Variants in APOL6 observed in about 807,000 individuals in gnomAD.
APOL6 encodes apolipoprotein L6.
In APOL6, 1 loss-of-function variant was observed where a neutral mutation model predicts 2.4. The observed-to-expected ratio is 0.41, with a 90% CI of 0.15 to 1.94. The LOEUF is 1.94. Ranked by LOEUF, APOL6 falls within the 30% of genes most tolerant of loss-of-function variation. The pLI, the probability that APOL6 is intolerant of heterozygous loss-of-function variation, is 0.30. For missense variants in APOL6, 438 were observed against 429.2 expected (o/e 1.02, Z -0.18); for synonymous variants, 189 against 169.3 (o/e 1.12, Z -0.90).
In APOL6 at chr22:35,659,201, C is replaced by T. The variant is rs752403368; in HGVS notation, c.637C>T (p.Arg213Trp). Residue 213 changes from arginine (R) to tryptophan (W), a missense_variant, in exon 3 of 3, where the codon CGG becomes TGG. Arg to Trp is a moderately radical substitution (Grantham distance 101, BLOSUM62 -3). Coordinates refer to ENST00000409652, the MANE Select transcript of APOL6 (RefSeq NM_030641.4). ...RLLTTGQVSS[R>W]SRVQVQKAFA... ...TCTGACCACTGGCCAAGTCTCCTCC[C>T]GGAGCCGCGTGCAGGTGCAAAAGGC... 5.5e-5 allele frequency: 88 copies of T among 1,614,186 alleles called. 1 individual carries two copies. Among genetic ancestry groups the T allele is most frequent in the South Asian group, 4.4e-4 (40 of 91,074 alleles).
At chr22:35,651,110 T>G (rs1387798280) in intron 1 of APOL6, among the ~76,000 whole-genome samples, 3 of 152,064 alleles carry the variant, frequency 2.0e-5, no homozygotes, top group Middle Eastern at 3.2e-3. Context: ...CTGGACCAAG[T>G]ACCAAATGTA....
At position 35,658,860 on chromosome 22, in the gene APOL6, C is replaced by T. The variant is rs758605616; in HGVS notation, c.296C>T (p.Ala99Val). ...ATGAGCCTCCTGGGTTTAGCCCTTG[C>T]CCCAGCAACAGGAGGAGGAAGCCTG... ...GVMSLLGLAL[A>V]PATGGGSLLL... Residue 99 changes from alanine to valine, a missense_variant, in exon 3 of 3, where the codon GCC becomes GTC. Physicochemically the swap from Ala to Val is moderately conservative, Grantham distance 64. Coordinates refer to ENST00000409652, the MANE Select transcript of APOL6 (RefSeq NM_030641.4). 5 of 1,614,150 alleles carry T rather than the reference C, an allele frequency of 3.1e-6. No individual in the cohort carries two copies. The South Asian group carries it at 3.3e-5, about 11-fold the overall frequency.
chr22:35,658,828 T>A lies in APOL6; in HGVS notation c.264T>A (p.Ser88=), dbSNP rs1474681134. 1 of 1,614,158 alleles carries A rather than the reference T, an allele frequency of 6.2e-7. No individual in the cohort carries two copies. Among genetic ancestry groups the A allele is most frequent in the Admixed American group, 1.7e-5 (1 of 60,018 alleles). The part of the protein sequence containing the change: ...NMVATSTAVI[S]GVMSLLGLAL... ...TGGCCACCTCTACTGCTGTCATCTC[T>A]GGAGTGATGAGCCTCCTGGGTTTAG... The change falls in exon 3 of 3, where the codon TCT becomes TCA. Residue 88 remains serine, a synonymous_variant. Transcript: ENST00000409652.
intron 2 of APOL6, among the ~76,000 whole-genome samples, chr22:35,657,873 T>C (rs1456995998): frequency 3.9e-5 from 6 of 152,226 alleles, no homozygotes. Flanking sequence ...CCAACTGGCC[T>C]GGCAAAGATC....
rs764318291 is a variant in APOL6 at position 35,659,367 on chromosome 22, C to T, written c.803C>T (p.Ala268Val). 48 of 1,613,790 alleles carry T rather than the reference C, an allele frequency of 3.0e-5. No homozygotes were observed. Among genetic ancestry groups the T allele is most frequent in the East Asian group, 1.3e-4 (6 of 44,882 alleles). ...HLKEGARTKF[A>V]EELRAKALEL... ...AAGGAAGGAGCAAGGACAAAGTTTG[C>T]GGAAGAGTTGAGAGCCAAGGCCTTG... Residue 268 changes from alanine (A) to valine (V), a missense_variant, in exon 3 of 3, where the codon GCG becomes GTG. Coordinates refer to ENST00000409652, the MANE Select transcript of APOL6 (RefSeq NM_030641.4).
Position 35,667,194 on chromosome 22 carries a change from CA to C in APOL6, c.*7599del. The C allele has an allele frequency of 6.6e-6, 1 of 152,208 alleles. No individual in the cohort carries two copies. The allele number at this position is 152,208 out of a possible 1,614,324, so 9.4% of individuals were successfully genotyped here. On this transcript the variant is annotated 3_prime_UTR_variant, in exon 3 of 3. Transcript: ENST00000409652. ...GTAAGTAAAGAATGTCACTTTCTGACAGGCACATAAGCCCCAGGTTTACCTC... is the reference window on the plus strand; with the variant it reads ...GTAAGTAAAGAATGTCACTTTCTGACGGCACATAAGCCCCAGGTTTACCTC...
chr22:35,655,603 G>C (rs1021662397), intron 1 of APOL6, among the ~76,000 whole-genome samples: 3 of 151,966 alleles, frequency 2.0e-5, no homozygotes, highest in Non-Finnish European at 4.4e-5. Context: ...ACTATAATTT[G>C]TTTGTTTATT....
At chr22:35,658,327 G>T (rs1311455966) in intron 2 of APOL6, among the ~76,000 whole-genome samples, 1 of 152,154 alleles carries the variant, frequency 6.6e-6, no homozygotes, top group Non-Finnish European at 1.5e-5. Flanking sequence ...TCTGAACAAG[G>T]CTGAAAACAT....
At chr22:35,654,353 C>A (rs1540295) in intron 1 of APOL6, among the ~76,000 whole-genome samples, 1 of 152,034 alleles carries the variant, frequency 6.6e-6, no homozygotes, top group Non-Finnish European at 1.5e-5. Context: ...AGACAAGCAG[C>A]CCCCCATCCT....
chr22:35,650,368 A>G (rs1456693887), intron 1 of APOL6, among the ~76,000 whole-genome samples: 1 of 152,214 alleles, frequency 6.6e-6, no homozygotes, highest in Non-Finnish European at 1.5e-5. Flanking sequence ...AAAACAACCC[A>G]AAGGTTCAAC....
At chr22:35,648,938 G>A (rs534282794) in intron 1 of APOL6, among the ~76,000 whole-genome samples, 2 of 152,188 alleles carry the variant, frequency 1.3e-5, no homozygotes, top group South Asian at 4.1e-4. Flanking sequence ...GAGGGGACCT[G>A]GCCCTTAGAA....
At position 35,661,913 on chromosome 22, in the gene APOL6, C is replaced by G. The variant is rs1925038467; in HGVS notation, c.*2317C>G. On this transcript the variant is annotated 3_prime_UTR_variant, in exon 3 of 3. Transcript: ENST00000409652. ...AAGTCCACTATAAATCTTATCAAAC[C>G]ATGGTTGTATATGCAGTTGACCGAA... 1 of 152,128 alleles carries G rather than the reference C, an allele frequency of 6.6e-6. No individual in the cohort carries two copies. The highest frequency in any genetic ancestry group is 1.5e-5 in the Non-Finnish European group (1 of 68,008). The allele number at this position is 152,128 out of a possible 1,614,324, so 9.4% of individuals were successfully genotyped here.
Position 35,656,439 on chromosome 22 carries a change from C to T in APOL6, c.14C>T (p.Ala5Val), listed in dbSNP as rs763919417. The change falls in exon 2 of 3, where the codon GCG (alanine) becomes GTG (valine). Residue 5 changes from alanine to valine, a missense_variant. Transcript: ENST00000409652. MDNQ[A>V]ERESEAGVGL... The stretch of plus-strand genomic sequence containing the variant: ...CCACAGAGGCTGATGGACAACCAGG[C>T]GGAGAGAGAAAGTGAGGCTGGTGTT... 2.8e-5 allele frequency: 45 copies of T among 1,613,836 alleles called. No individual in the cohort carries two copies. In the East Asian group the frequency reaches 4.7e-4, roughly 17 times the overall value.
Position 35,663,904 on chromosome 22 carries a change from C to T in APOL6, c.*4308C>T, listed in dbSNP as rs546854852. ...TGTACTTCTATTGGCATGCCTAATA[C>T]GTCTTTATATGTATGTATGTGTTGT... On this transcript the variant is annotated 3_prime_UTR_variant, in exon 3 of 3. Transcript: ENST00000409652. The T allele has an allele frequency of 1.8e-4, 28 of 152,098 alleles. No individual in the cohort carries two copies. The highest frequency in any genetic ancestry group is 6.5e-4 in the African/African-American group (27 of 41,514). 9.4% of individuals were successfully genotyped at this position (152,098 alleles called of 1,614,324 possible).
Position 35,656,481 on chromosome 22 carries a change from C to G in APOL6, c.50+6C>G. The G allele has an allele frequency of 1.9e-6, 3 of 1,613,986 alleles. No individual in the cohort carries two copies. The highest frequency in any genetic ancestry group is 2.5e-6 in the Non-Finnish European group (3 of 1,179,962). The stretch of plus-strand genomic sequence containing the variant: ...GCTGGTGTTGGTTTGCAAAGGTAAT[C>G]CAAAGGGTGTAGTCCCCAGGGAGAG... On this transcript the variant is annotated splice_donor_region_variant and intron_variant, in intron 2 of 2. Coordinates refer to ENST00000409652, the MANE Select transcript of APOL6 (RefSeq NM_030641.4).
rs771451740 is a variant in APOL6 at position 35,665,661 on chromosome 22, AGTTT to A, written c.*6070_*6073del. ...TTTTATAATCAAGATTAAATCTTAT[AGTTT>A]GTTTACAAAATTTTGAAAATCAAAT... On this transcript the variant is annotated 3_prime_UTR_variant, in exon 3 of 3. Transcript: ENST00000409652. 5.9e-5 allele frequency: 9 copies of A among 152,362 alleles called. No individual in the cohort carries two copies. The East Asian group carries it at 1.7e-3, about 29-fold the overall frequency. 9.4% of individuals were successfully genotyped at this position (152,362 alleles called of 1,614,324 possible).
chr22:35,663,579 A>T lies in APOL6; in HGVS notation c.*3983A>T, dbSNP rs1287646119. The T allele has an allele frequency of 1.4e-5, 2 of 144,252 alleles. No individual in the cohort carries two copies. The highest frequency in any genetic ancestry group is 2.6e-5 in the African/African-American group (1 of 38,682). The allele number at this position is 144,252 out of a possible 1,614,324, so 8.9% of individuals were successfully genotyped here. A position where few individuals can be genotyped will look rare whatever the true frequency, so the allele number is the denominator to read the frequency against. On this transcript the variant is annotated 3_prime_UTR_variant, in exon 3 of 3. Transcript: ENST00000409652. ...AATTCTGTTTTCACCGGATTTTTTG[A>T]CTAAAATAGCTATTGCAACAGAGGC...
At chr22:35,649,227 A>G (rs1236204339) in intron 1 of APOL6, among the ~76,000 whole-genome samples, 4 of 152,090 alleles carry the variant, frequency 2.6e-5, no homozygotes, top group Non-Finnish European at 5.9e-5. Flanking sequence ...CTTGAGCCCA[A>G]GAGTTTGAGA....
intron 1 of APOL6, among the ~76,000 whole-genome samples, chr22:35,655,089 C>T (rs958284760): frequency 6.6e-6 from 1 of 152,050 alleles, no homozygotes; most frequent in Non-Finnish European, 1.5e-5. Context: ...TCATCTTGTC[C>T]CTTCTCTAAA....
Sources: allele counts gnomAD v4.1 joint callset (sites outside exome capture counted in the v4.1 genomes callset), GRCh38; gene constraint gnomAD v4.1.1; transcripts MANE v1.5; gene names NCBI Gene and HGNC (gene_info 2026-07-23, HGNC 2026-07-21).